The following TNR variants were observed in gnomAD, a reference collection of about 807,000 sequenced individuals.
TNR encodes tenascin R.
In TNR, 45 loss-of-function variants were observed where a neutral mutation model predicts 150.4. The observed-to-expected ratio is 0.30, with a 90% CI of 0.24 to 0.38. TNR has a LOEUF of 0.38. TNR is among the 10% of genes least tolerant of loss of function. The pLI is 1.00. For missense variants in TNR, 1,544 were observed against 1,759.1 expected, an observed-to-expected ratio of 0.88 and a Z score of 2.19; for synonymous variants, 687 against 678.4, an observed-to-expected ratio of 1.01 and a Z score of -0.20.
At chr1:175,534,999 C>T (rs949275006) in intron 1 of TNR, among the ~76,000 whole-genome samples, 4 of 152,204 alleles carry the variant, frequency 2.6e-5, no homozygotes, top group Admixed American at 6.5e-5. Flanking sequence ...CCTTCCCCTT[C>T]CACCATGATT....
rs574316135 is a variant in TNR, at chr1:175,459,242, C to G, written c.-63-52465G>C. On this transcript the variant is annotated intron_variant, in intron 2 of 22. Coordinates refer to ENST00000367674, the MANE Select transcript of TNR (RefSeq NM_003285.3). ...CTCAATGCCATTATCACAACGACCA[C>G]CACCATCATCACCTCTACCATCATT... 1.4e-4 allele frequency among the ~76,000 whole-genome samples: 22 copies of G among 152,250 alleles called. No individual in the cohort carries two copies. The South Asian group carries it at 4.4e-3, about 30-fold the overall frequency.
intron 2 of TNR, among the ~76,000 whole-genome samples, chr1:175,470,427 G>C (rs1390096090): frequency 1.3e-5 from 2 of 152,182 alleles, no homozygotes; most frequent in African/African-American, 4.8e-5. Context: ...ACTAATGTCA[G>C]GAGCAGAAGT....
chr1:175,610,940 G>A (rs990119677), intron 1 of TNR, among the ~76,000 whole-genome samples: 1 of 152,196 alleles, frequency 6.6e-6, no homozygotes, highest in African/African-American at 2.4e-5. Context: ...TTTTACTAAC[G>A]TAAATAATAT....
chr1:175,339,589 C>T (rs2298918), intron 18 of TNR, among the ~76,000 whole-genome samples: 63,236 of 152,078 alleles, frequency 0.42, 15,245 homozygotes, highest in East Asian at 0.66. Flanking sequence ...GCCTGTCTGC[C>T]TTTCTTTCTC....
At chr1:175,598,150 T>C (rs1663083881) in intron 1 of TNR, among the ~76,000 whole-genome samples, 1 of 152,182 alleles carries the variant, frequency 6.6e-6, no homozygotes. Flanking sequence ...GGATGTGTAC[T>C]CAAGAACAAC....
chr1:175,624,783 G>A (rs1055676219), intron 1 of TNR, among the ~76,000 whole-genome samples: 6 of 152,182 alleles, frequency 3.9e-5, no homozygotes, highest in Non-Finnish European at 7.3e-5. Context: ...TGGGCTCCTG[G>A]GGTAGGGAAT....
At chr1:175,531,552 G>T (rs1309900524) in intron 1 of TNR, among the ~76,000 whole-genome samples, 1 of 152,112 alleles carries the variant, frequency 6.6e-6, no homozygotes, top group East Asian at 1.9e-4. Context: ...GTTTCAGAGG[G>T]ACCCGAGGGA....
In TNR at chr1:175,599,930, AGGAG is replaced by A. The variant is rs1412466697; in HGVS notation, c.-164-71565_-164-71562del. Among the ~76,000 whole-genome samples the A allele has an allele frequency of 2.0e-5, 3 of 152,200 alleles. No homozygotes were observed. The highest frequency in any genetic ancestry group is 4.4e-5 in the Non-Finnish European group (3 of 68,028). ...GGCAAGAGACTGGGGCCGGTTCTACAGGAGGGAGGAAAAGAGTGAGCCATATGAT... is the reference window on the plus strand; with the variant it reads ...GGCAAGAGACTGGGGCCGGTTCTACAGGAGGAAAAGAGTGAGCCATATGAT... On this transcript the variant is annotated intron_variant, in intron 1 of 22. Transcript: ENST00000367674. This position sits in a 1 kb window ranked among gnomAD's most constrained non-coding sequence, Gnocchi z 4.7.
At chr1:175,662,105 C>T (rs1374709834) in intron 1 of TNR, among the ~76,000 whole-genome samples, 1 of 152,142 alleles carries the variant, frequency 6.6e-6, no homozygotes, top group Non-Finnish European at 1.5e-5. Context: ...GGACCAGAAA[C>T]CACAGGTGAG....
chr1:175,560,400 A>G (rs778479116), intron 1 of TNR, among the ~76,000 whole-genome samples: 4 of 152,264 alleles, frequency 2.6e-5, no homozygotes, highest in Non-Finnish European at 4.4e-5. Context: ...CTGCCTGCGC[A>G]TGGCTGGTCA....
At chr1:175,355,238 C>T (rs562749612) in intron 17 of TNR, among the ~76,000 whole-genome samples, 49 of 152,312 alleles carry the variant, frequency 3.2e-4, no homozygotes, top group African/African-American at 1.1e-3. Context: ...GAGAAGAAAG[C>T]AAGCCTTGAG....
At chr1:175,370,230 C>G (rs912159234) in intron 9 of TNR, among the ~76,000 whole-genome samples, 4 of 151,282 alleles carry the variant, frequency 2.6e-5, no homozygotes, top group African/African-American at 9.7e-5. Context: ...AGAGGGTCAT[C>G]ATGAGGATTA....
intron 22 of TNR, among the ~76,000 whole-genome samples, chr1:175,324,107 C>T (rs190204891): frequency 2.6e-5 from 4 of 152,304 alleles, no homozygotes; most frequent in Admixed American, 2.6e-4. Flanking sequence ...GATAAGCTCT[C>T]TTCATGGGAT....
intron 22 of TNR, 123 bp downstream of exon 22, chr1:175,324,233 G>T: frequency 9.0e-7 from 1 of 1,111,284 alleles, no homozygotes; most frequent in Non-Finnish European, 1.3e-6. Context: ...TTTTTCTCAA[G>T]ACTCAAAATA....
intron 1 of TNR, among the ~76,000 whole-genome samples, chr1:175,672,691 T>C (rs534239280): frequency 6.6e-6 from 1 of 152,228 alleles, no homozygotes; most frequent in South Asian, 2.1e-4. Flanking sequence ...TTGAGAAACT[T>C]CCAAACCACT....
At chr1:175,665,200 C>A (rs1276706049) in intron 1 of TNR, among the ~76,000 whole-genome samples, 1 of 152,172 alleles carries the variant, frequency 6.6e-6, no homozygotes. Flanking sequence ...GTTGAGCTAG[C>A]ACTTTGGGGA....
chr1:175,324,828 G>A (rs543511224), intron 21 of TNR, among the ~76,000 whole-genome samples: 8 of 151,142 alleles, frequency 5.3e-5, no homozygotes, highest in African/African-American at 1.2e-4. Flanking sequence ...CAGCCTGTAC[G>A]TGGACACAGG....
intron 10 of TNR, 70 bp downstream of exon 10, chr1:175,367,138 G>T: frequency 7.0e-7 from 1 of 1,428,836 alleles, no homozygotes. Flanking sequence ...TTTTTGCTGG[G>T]ACGAGCCTCC....
intron 2 of TNR, among the ~76,000 whole-genome samples, chr1:175,451,204 GTTTT>G (rs11289379): frequency 7.8e-6 from 1 of 128,714 alleles, no homozygotes; most frequent in South Asian, 2.6e-4. Context: ...CACCTGGTTA[GTTTT>G]TTTTTTTTAA....
Sources: allele counts gnomAD v4.1 joint callset (sites outside exome capture counted in the v4.1 genomes callset), GRCh38; gene constraint gnomAD v4.1.1; non-coding constraint Gnocchi (gnomAD v3.1); transcripts MANE v1.5; gene names NCBI Gene and HGNC (gene_info 2026-07-23, HGNC 2026-07-21).